Variants in TARS2 observed in about 807,000 individuals in gnomAD.
The protein encoded by TARS2 is threonyl-tRNA synthetase 2, mitochondrial.
In TARS2, 61 loss-of-function variants were observed where a neutral mutation model predicts 94.4. That is an observed-to-expected ratio of 0.65 (90% confidence interval 0.53 to 0.80). TARS2 has a LOEUF of 0.80. TARS2 is among the 30% of genes least tolerant of loss of function. TARS2 has a pLI of 0.00. For synonymous variants in TARS2, 359 were observed against 353.4 expected, an observed-to-expected ratio of 1.02 and a Z score of -0.18; for missense variants, 704 against 902.5, an observed-to-expected ratio of 0.78 and a Z score of 2.82.
intron 17 of TARS2, among the ~76,000 whole-genome samples, chr1:150,506,542 T>C (rs1670226437): frequency 6.8e-6 from 1 of 146,110 alleles, no homozygotes; most frequent in East Asian, 2.0e-4. Context: ...GTTCTCATTG[T>C]TTGTCTTTCT....
Position 150,505,582 on chromosome 1 carries a change from C to T in TARS2, c.1894-9C>T, listed in dbSNP as rs770755369. The T allele has an allele frequency of 5.0e-6, 8 of 1,612,442 alleles. No homozygotes were observed. ...AAATTAACTTCCTGTCACCAAACCT[C>T]TGTTGCAGGCACAGCAGAGCCTGCG... is the stretch of plus-strand genomic sequence containing the variant. On this transcript the variant is annotated splice_polypyrimidine_tract_variant and intron_variant, in intron 16 of 17. Transcript: ENST00000369064.
intron 13 of TARS2, among the ~76,000 whole-genome samples, chr1:150,503,683 G>C (rs1670063136): frequency 6.7e-6 from 1 of 148,364 alleles, no homozygotes; most frequent in African/African-American, 2.5e-5. Flanking sequence ...GTGTATATAT[G>C]TGTATATATA....
chr1:150,495,742 T>G (rs1047490837), intron 7 of TARS2, among the ~76,000 whole-genome samples: 5 of 126,422 alleles, frequency 4.0e-5, no homozygotes, highest in African/African-American at 1.5e-4. Flanking sequence ...TTTTTTGAGA[T>G]GGAGTCTTGC....
At chr1:150,494,737 C>CA (rs143706301) in intron 7 of TARS2, among the ~76,000 whole-genome samples, 7,124 of 151,864 alleles carry the variant, frequency 0.047, 426 homozygotes, top group African/African-American at 0.13. Context: ...GACTCTGTTT[C>CA]AAAAAATATA....
rs587639030 is a variant in TARS2, at chr1:150,490,885, C to T, written c.512+160C>T. Among the ~76,000 whole-genome samples the T allele has an allele frequency of 1.1e-4, 17 of 152,058 alleles. 1 individual carries two copies. In the East Asian group the frequency reaches 3.3e-3, roughly 29 times the overall value. Reference sequence around the variant, plus strand: ...TATCTCCTTCTGTGCTAGTCCATGTCCCTCTTCTAACTTTGCTTGAAATTT... The same window carrying T: ...TATCTCCTTCTGTGCTAGTCCATGTTCCTCTTCTAACTTTGCTTGAAATTT... On this transcript the variant is annotated intron_variant, in intron 4 of 17. Coordinates refer to ENST00000369064, the MANE Select transcript of TARS2 (RefSeq NM_025150.5).
chr1:150,488,701 A>G (rs587634758), intron 2 of TARS2: 39 of 315,780 alleles, frequency 1.2e-4, no homozygotes, highest in African/African-American at 7.3e-4. Context: ...TATACAATAA[A>G]TTATTATTAA....
At position 150,487,430 on chromosome 1, in the gene TARS2, T is replaced by C; in HGVS notation, c.-21T>C. ...AGCGGCGATAATCTGTTTGAGGATGTAGGCACTGGTGTGAAGGAACATGGC... is the reference window on the plus strand; with the variant it reads ...AGCGGCGATAATCTGTTTGAGGATGCAGGCACTGGTGTGAAGGAACATGGC... On this transcript the variant is annotated 5_prime_UTR_variant, in exon 1 of 18. The change abolishes the stop of an existing upstream ORF in the 5' untranslated region. Transcript: ENST00000369064. 6.2e-7 allele frequency: 1 copy of C among 1,614,154 alleles called. No homozygotes were observed. The highest frequency in any genetic ancestry group is 8.5e-7 in the Non-Finnish European group (1 of 1,180,022).
chr1:150,499,250 C>T lies in TARS2; in HGVS notation c.1574C>T (p.Pro525Leu). The T allele has an allele frequency of 6.2e-7, 1 of 1,614,092 alleles. No homozygotes were observed. Among genetic ancestry groups the T allele is most frequent in the Non-Finnish European group, 8.5e-7 (1 of 1,180,010 alleles). ...LKQALKEFGE[P>L]WDLNSGDGAF... Reference sequence around the variant, plus strand: ...CAGGCCCTGAAGGAATTTGGAGAACCCTGGGACCTCAACTCTGGAGATGGT... The same window carrying T: ...CAGGCCCTGAAGGAATTTGGAGAACTCTGGGACCTCAACTCTGGAGATGGT... The change falls in exon 13 of 18, where the codon CCC becomes CTC. Residue 525 changes from proline (P) to leucine (L), a missense_variant. By Grantham distance (98) the Pro-to-Leu change is moderately conservative. Around this residue, in one of 3 missense-constraint regions of TARS2, gnomAD observed 466 missense variants for 609.5 expected, o/e 0.76. Coordinates refer to ENST00000369064, the MANE Select transcript of TARS2 (RefSeq NM_025150.5).
chr1:150,488,894 CAT>C lies in TARS2; in HGVS notation c.264-69_264-68del, dbSNP rs1669260614. ...TTAAACTCTCATATAGGAATCAGAA[CAT>C]GTGATATTTTCCTTTTTGTGCCTTG... is the stretch of plus-strand genomic sequence containing the variant. On this transcript the variant is annotated intron_variant, in intron 2 of 17. Coordinates refer to ENST00000369064, the MANE Select transcript of TARS2 (RefSeq NM_025150.5). 8.9e-6 allele frequency: 14 copies of C among 1,565,048 alleles called. No individual in the cohort carries two copies. The South Asian group carries it at 1.7e-4, about 19-fold the overall frequency.
intron 13 of TARS2, among the ~76,000 whole-genome samples, chr1:150,502,891 A>G (rs776520287): frequency 2.0e-5 from 3 of 152,240 alleles, no homozygotes; most frequent in Non-Finnish European, 4.4e-5. Context: ...CAATAACAGT[A>G]GGCAAATAAA....
At chr1:150,487,660 G>C in intron 1 of TARS2, 144 bp downstream of exon 1, 1 of 1,305,422 alleles carries the variant, frequency 7.7e-7, no homozygotes, top group African/African-American at 1.5e-5. Context: ...ATCTAAACTC[G>C]TTATCTAATT....
intron 7 of TARS2, among the ~76,000 whole-genome samples, chr1:150,492,778 C>G (rs189143746): frequency 2.9e-5 from 4 of 139,010 alleles, no homozygotes; most frequent in Non-Finnish European, 6.1e-5. Context: ...CTACTGCACT[C>G]CAGCCTGGGC....
intron 4 of TARS2, 110 bp from the exon 5 acceptor site, chr1:150,491,284 C>A: frequency 9.9e-7 from 1 of 1,007,818 alleles, no homozygotes; most frequent in Non-Finnish European, 1.6e-6. Context: ...TTGCCTATAA[C>A]TCTAGATTTC....
At chr1:150,492,544 G>T in intron 7 of TARS2, 55 bp downstream of exon 7, 1 of 1,581,564 alleles carries the variant, frequency 6.3e-7, no homozygotes, top group South Asian at 1.1e-5. Flanking sequence ...GGGCATGGTG[G>T]CTCACGCTTG....
intron 7 of TARS2, among the ~76,000 whole-genome samples, chr1:150,495,824 A>G (rs988602611): frequency 6.6e-6 from 1 of 152,024 alleles, no homozygotes; most frequent in Non-Finnish European, 1.5e-5. Context: ...GGTTCATGCC[A>G]TTGTCCTGCC....
intron 16 of TARS2, 144 bp from the exon 17 acceptor site, chr1:150,505,444 TGAG>T: frequency 1.3e-6 from 1 of 743,828 alleles, no homozygotes; most frequent in Non-Finnish European, 2.3e-6. Flanking sequence ...GGAGATGAAA[TGAG>T]GAGAGGTTGC....
At chr1:150,500,233 A>G (rs934833878) in intron 13 of TARS2, among the ~76,000 whole-genome samples, 1 of 152,118 alleles carries the variant, frequency 6.6e-6, no homozygotes, top group African/African-American at 2.4e-5. Context: ...GGATTTAGTA[A>G]AAAGGCTGCT....
chr1:150,487,582 T>G, intron 1 of TARS2, 66 bp downstream of exon 1: 2 of 1,605,876 alleles, frequency 1.2e-6, no homozygotes. Context: ...CCCCAAATTT[T>G]TATGTTAACC....
At chr1:150,504,545 T>A (rs1335481857) in intron 14 of TARS2, 87 bp from the exon 15 acceptor site, 5 of 1,574,332 alleles carry the variant, frequency 3.2e-6, no homozygotes, top group Non-Finnish European at 4.4e-6. Context: ...CAGAGCTGAA[T>A]ATTTCTTAAA....
Sources: allele counts gnomAD v4.1 joint callset (sites outside exome capture counted in the v4.1 genomes callset), GRCh38; gene constraint gnomAD v4.1.1; regional missense constraint gnomAD v4.1.1; transcripts MANE v1.5; gene names NCBI Gene and HGNC (gene_info 2026-07-23, HGNC 2026-07-21).